The following GTF2IRD2B variants were observed in gnomAD, a reference collection of about 807,000 sequenced individuals.
The protein encoded by GTF2IRD2B is general transcription factor II-I repeat domain-containing protein 2B.
In GTF2IRD2B, 10 loss-of-function variants were observed where a neutral mutation model predicts 55.6. The ratio of observed to expected loss-of-function variants is 0.18; its 90% CI spans 0.11 to 0.31. The LOEUF is 0.31. GTF2IRD2B is among the 10% of genes least tolerant of loss of function. GTF2IRD2B has a pLI of 1.00. For synonymous variants in GTF2IRD2B, 107 were observed against 320.5 expected (o/e 0.33, Z 7.12); for missense variants, 206 against 802.7 (o/e 0.26, Z 8.98).
intron 10 of GTF2IRD2B, among the ~76,000 whole-genome samples, chr7:75,136,493 GT>G (rs2115831672): frequency 8.3e-6 from 1 of 120,374 alleles, no homozygotes; most frequent in East Asian, 2.2e-4. Flanking sequence ...TAGAGTTGGG[GT>G]TTCACCATGT....
At chr7:75,105,506 AAAAC>A (rs1475850593) in intron 1 of GTF2IRD2B, among the ~76,000 whole-genome samples, 54 of 152,396 alleles carry the variant, frequency 3.5e-4, no homozygotes, top group African/African-American at 5.8e-4. Context: ...TCCACCTCAA[AAAAC>A]AAACAAACAG....
In GTF2IRD2B at chr7:75,132,548, C is replaced by CTT. The variant is rs1159887977; in HGVS notation, c.671-563_671-562dup. Among the ~76,000 whole-genome samples, 591 of 85,430 alleles carry CTT rather than the reference C, an allele frequency of 6.9e-3. 10 individuals are homozygous for CTT. The highest frequency in any genetic ancestry group is 8.7e-3 in the African/African-American group (174 of 20,058). 56.0% of individuals were successfully genotyped at this position (85,430 alleles called of 152,430 possible). A position where few individuals can be genotyped will look rare whatever the true frequency, so the allele number is the denominator to read the frequency against. ...TTCCTTCATCCTCCTCTCCTTCCTTCTTTTTTTTTTTTTTTTTTTTTTTTT... is the reference window on the plus strand; with the variant it reads ...TTCCTTCATCCTCCTCTCCTTCCTTCTTTTTTTTTTTTTTTTTTTTTTTTTTT... On this transcript the variant is annotated intron_variant, in intron 8 of 15. Transcript: ENST00000472837.
At chr7:75,121,625 AT>A (rs1424367725) in intron 4 of GTF2IRD2B, among the ~76,000 whole-genome samples, 1 of 147,348 alleles carries the variant, frequency 6.8e-6, no homozygotes, top group Non-Finnish European at 1.5e-5. Flanking sequence ...TGCCCAGCTA[AT>A]TTTTGTATGT....
chr7:75,123,062 A>C, intron 4 of GTF2IRD2B, 74 bp from the exon 5 acceptor site: 3 of 1,570,294 alleles, frequency 1.9e-6, no homozygotes, highest in Non-Finnish European at 2.6e-6. Flanking sequence ...CAAAACAAAA[A>C]ACAAAAAACA....
chr7:75,105,257 A>C (rs1395513778), intron 1 of GTF2IRD2B, among the ~76,000 whole-genome samples: 2,335 of 151,526 alleles, frequency 0.015, 5 homozygotes, highest in East Asian at 0.044. Flanking sequence ...TAATCCCAGC[A>C]CTTTAGGAGG....
chr7:75,142,085 A>G (rs1809030233), intron 13 of GTF2IRD2B, among the ~76,000 whole-genome samples: 1 of 152,290 alleles, frequency 6.6e-6, no homozygotes, highest in Non-Finnish European at 1.5e-5. Flanking sequence ...CCTGACATTA[A>G]AGATAAATCC....
intron 3 of GTF2IRD2B, among the ~76,000 whole-genome samples, chr7:75,113,821 TACAGAGAGAGGG>T (rs1808048456): frequency 2.2e-5 from 3 of 135,314 alleles, no homozygotes; most frequent in Non-Finnish European, 4.8e-5. Flanking sequence ...TGTGTGTATG[TACAGAGAGAGGG>T]GTCTCTATGG....
chr7:75,121,601 G>C lies in GTF2IRD2B; in HGVS notation c.358+591G>C, dbSNP rs1808369855. On this transcript the variant is annotated intron_variant, in intron 4 of 15. Transcript: ENST00000472837. Reference sequence around the variant, plus strand: ...AGCCTCCTAAGTAGCTGGGATTACAGGTGCCCACCACCTTGCCCAGCTAAT... The same window carrying C: ...AGCCTCCTAAGTAGCTGGGATTACACGTGCCCACCACCTTGCCCAGCTAAT... Among the ~76,000 whole-genome samples the C allele has an allele frequency of 2.1e-5, 3 of 142,632 alleles. No homozygotes were observed. The South Asian group carries it at 6.6e-4, about 31-fold the overall frequency. 93.6% of individuals were successfully genotyped at this position (142,632 alleles called of 152,430 possible).
chr7:75,102,878 G>A (rs1345781936), intron 1 of GTF2IRD2B, among the ~76,000 whole-genome samples: 1 of 151,860 alleles, frequency 6.6e-6, no homozygotes, highest in East Asian at 1.9e-4. Context: ...AGAACTGCTT[G>A]AACCCCAGAG....
At position 75,112,535 on chromosome 7, in the gene GTF2IRD2B, TG is replaced by T. The variant is rs782089724; in HGVS notation, c.238+1del. The T allele has an allele frequency of 1.0e-6, 1 of 999,624 alleles. No individual in the cohort carries two copies. Among genetic ancestry groups the T allele is most frequent in the Non-Finnish European group, 1.4e-6 (1 of 693,370 alleles). The allele number at this position is 999,624 out of a possible 1,614,324, so 61.9% of individuals were successfully genotyped here. ...TTTTCAGAAAGATTTTGCAAAATAC[TG>T]TAGGTGTTTTAATTTTATCCTTTGT... On this transcript the variant is annotated splice_donor_variant, in intron 3 of 15. Transcript: ENST00000472837. LOFTEE classifies it high-confidence loss of function.
In GTF2IRD2B at chr7:75,115,014, T is replaced by C. The variant is rs10260899; in HGVS notation, c.238+2479T>C. Among the ~76,000 whole-genome samples, 254 of 140,244 alleles carry C rather than the reference T, an allele frequency of 1.8e-3. 1 individual carries two copies. The highest frequency in any genetic ancestry group is 6.6e-3 in the African/African-American group (248 of 37,588). 92.0% of individuals were successfully genotyped at this position (140,244 alleles called of 152,430 possible). The stretch of plus-strand genomic sequence containing the variant: ...GGTTTCCCCATGCTGTCCAGCCTGG[T>C]CTTAGACTCCTGACCTCAGGTGATC... On this transcript the variant is annotated intron_variant, in intron 3 of 15. Transcript: ENST00000472837.
At position 75,126,961 on chromosome 7, in the gene GTF2IRD2B, C is replaced by A. The variant is rs1808530053; in HGVS notation, c.670+576C>A. 1.4e-5 allele frequency among the ~76,000 whole-genome samples: 2 copies of A among 147,492 alleles called. 1 individual carries two copies. The highest frequency in any genetic ancestry group is 3.0e-5 in the Non-Finnish European group (2 of 66,758). On this transcript the variant is annotated intron_variant, in intron 8 of 15. Coordinates refer to ENST00000472837, the MANE Select transcript of GTF2IRD2B (RefSeq NM_001003795.3). The stretch of plus-strand genomic sequence containing the variant: ...GCAGTGAGCCAAGATCACACCACTG[C>A]ACTCCACCTTGGGCTACAGAGTGAG...
intron 9 of GTF2IRD2B, among the ~76,000 whole-genome samples, 171 bp from the exon 10 acceptor site, chr7:75,134,830 G>C (rs1252926209): frequency 6.7e-6 from 1 of 148,180 alleles, no homozygotes; most frequent in Non-Finnish European, 1.5e-5. Context: ...ACCTCCCAGA[G>C]TGCTGAGATT....
chr7:75,117,366 G>A (rs1161209564), intron 3 of GTF2IRD2B, among the ~76,000 whole-genome samples: 1 of 152,264 alleles, frequency 6.6e-6, no homozygotes, highest in African/African-American at 2.4e-5. Flanking sequence ...GTGGTGGCAG[G>A]AGCCTGTAAT....
At chr7:75,101,908 A>G (rs1165047269) in intron 1 of GTF2IRD2B, among the ~76,000 whole-genome samples, 1 of 150,618 alleles carries the variant, frequency 6.6e-6, no homozygotes, top group East Asian at 1.9e-4. Context: ...AAAAAAAAAA[A>G]AAAAAGAAAA....
At chr7:75,116,607 C>G (rs1584533542) in intron 3 of GTF2IRD2B, among the ~76,000 whole-genome samples, 2 of 141,886 alleles carry the variant, frequency 1.4e-5, no homozygotes, top group Non-Finnish European at 1.5e-5. Flanking sequence ...CTGTGTTGAA[C>G]AGAAGTGGGG....
chr7:75,132,562 T>C (rs1224121252), intron 8 of GTF2IRD2B, among the ~76,000 whole-genome samples: 1 of 125,368 alleles, frequency 8.0e-6, no homozygotes, highest in Non-Finnish European at 1.7e-5. Context: ...TTTTTTTTTT[T>C]TTTTTTTTTT....
intron 8 of GTF2IRD2B, among the ~76,000 whole-genome samples, chr7:75,126,716 G>A (rs1439379875): frequency 6.8e-6 from 1 of 146,924 alleles, no homozygotes; most frequent in African/African-American, 2.5e-5. Flanking sequence ...AACAAACAAG[G>A]CTGCGCACGG....
In GTF2IRD2B at chr7:75,113,926, A is replaced by G. The variant is rs1323308342; in HGVS notation, c.238+1391A>G. 2.0e-5 allele frequency among the ~76,000 whole-genome samples: 3 copies of G among 150,296 alleles called. No homozygotes were observed. In the Admixed American group the frequency reaches 2.0e-4, roughly 10 times the overall value. On this transcript the variant is annotated intron_variant, in intron 3 of 15. Transcript: ENST00000472837. ...GATTAGATAGGTAGATAGATAAGAG[A>G]GAGGAATTATATACATATGTATATA...
Sources: gnomAD v4.1 joint callset for allele counts (sites outside exome capture counted in the v4.1 genomes callset) on GRCh38, gnomAD v4.1.1 for gene constraint, MANE v1.5 for transcripts, NCBI Gene and HGNC (gene_info 2026-07-23, HGNC 2026-07-21) for gene names.